Variants in KCNN2 observed in about 807,000 individuals in gnomAD.
KCNN2 encodes small conductance calcium-activated potassium channel protein 2.
Under a neutral mutation model 55.5 loss-of-function variants are expected in KCNN2, and 24 were observed. The observed-to-expected ratio is 0.43, with a 90% CI of 0.31 to 0.61. The LOEUF (loss-of-function observed/expected upper bound fraction) is 0.61, where lower values mean the gene tolerates loss of function less well. Among genes scored for constraint, KCNN2 ranks in the 20% least tolerant of loss-of-function variants. KCNN2 has a pLI of 0.08. For synonymous variants in KCNN2, 431 were observed against 336.1 expected (o/e 1.28, Z -3.09); for missense variants, 754 against 853.6 (o/e 0.88, Z 1.45).
At chr5:114,484,082 GAGA>G (rs775310782) in intron 5 of KCNN2, among the ~76,000 whole-genome samples, 3 of 152,146 alleles carry the variant, frequency 2.0e-5, no homozygotes, top group Non-Finnish European at 1.5e-5. Context: ...TGTGGTTCAT[GAGA>G]AGAAGTTTTT....
chr5:114,494,737 C>T (rs767916044), intron 7 of KCNN2, among the ~76,000 whole-genome samples: 1 of 152,028 alleles, frequency 6.6e-6, no homozygotes, highest in Non-Finnish European at 1.5e-5. Context: ...CATAAAGGCT[C>T]AGTATTTTCT....
At chr5:114,206,353 C>T (rs1352224079) in intron 1 of KCNN2, among the ~76,000 whole-genome samples, 1 of 152,130 alleles carries the variant, frequency 6.6e-6, no homozygotes, top group African/African-American at 2.4e-5. Flanking sequence ...CAGAGTGTTT[C>T]CATTTGCTAG....
intron 2 of KCNN2, among the ~76,000 whole-genome samples, chr5:114,221,727 C>G (rs1282110909): frequency 2.0e-5 from 3 of 152,020 alleles, no homozygotes; most frequent in Non-Finnish European, 4.4e-5. Flanking sequence ...TATGTATTAC[C>G]TGCCTATTTC....
At chr5:114,152,517 T>C (rs188348460) in intron 1 of KCNN2, among the ~76,000 whole-genome samples, 4 of 152,352 alleles carry the variant, frequency 2.6e-5, no homozygotes, top group African/African-American at 9.6e-5. Flanking sequence ...AAGGGTGTTT[T>C]ATTTGACTGT....
intron 2 of KCNN2, among the ~76,000 whole-genome samples, chr5:114,339,601 G>A (rs1431421807): frequency 1.3e-5 from 2 of 151,892 alleles, no homozygotes; most frequent in Non-Finnish European, 2.9e-5. Flanking sequence ...TCACAAGTTC[G>A]AGACCACCTT....
intron 2 of KCNN2, among the ~76,000 whole-genome samples, chr5:114,273,037 C>T (rs993136942): frequency 1.4e-4 from 22 of 152,060 alleles, no homozygotes; most frequent in African/African-American, 4.8e-4. Context: ...AGCCCAACAC[C>T]CCCCACAGGC....
At chr5:114,172,066 G>A (rs1753044339) in intron 1 of KCNN2, among the ~76,000 whole-genome samples, 1 of 151,874 alleles carries the variant, frequency 6.6e-6, no homozygotes, top group Non-Finnish European at 1.5e-5. Context: ...TTGACCAAGG[G>A]AAGGGAAGTT....
chr5:114,136,729 G>A (rs1421799871), intron 1 of KCNN2, among the ~76,000 whole-genome samples: 1 of 152,196 alleles, frequency 6.6e-6, no homozygotes, highest in Non-Finnish European at 1.5e-5. Context: ...TCTTTCTAGT[G>A]TGGCTTAACC....
chr5:114,470,694 C>CCTTTA (rs1302610617), intron 4 of KCNN2, among the ~76,000 whole-genome samples: 1 of 152,178 alleles, frequency 6.6e-6, no homozygotes, highest in Non-Finnish European at 1.5e-5. Context: ...ACACCCTCTG[C>CCTTTA]CTTTACTTTC....
chr5:114,341,592 T>TA (rs918854705), intron 2 of KCNN2, among the ~76,000 whole-genome samples: 44 of 149,944 alleles, frequency 2.9e-4, no homozygotes, highest in Non-Finnish European at 4.8e-4. Flanking sequence ...TCCCTCAAAA[T>TA]AAAAAAAAAG....
In KCNN2 at chr5:114,435,097, C is replaced by T. The variant is rs368783169; in HGVS notation, c.1638-27952C>T. Among the ~76,000 whole-genome samples the T allele has an allele frequency of 5.9e-5, 9 of 152,264 alleles. No individual in the cohort carries two copies. In the East Asian group the frequency reaches 1.2e-3, roughly 20 times the overall value. ...ACTTAGAAAAATGTGATGCCACTCT[C>T]TACCCGTCACTCCCCACCCCTCACC... On this transcript the variant is annotated intron_variant, in intron 3 of 7. Transcript: ENST00000673685.
chr5:114,149,947 A>C (rs1052136564), intron 1 of KCNN2, among the ~76,000 whole-genome samples: 1 of 152,158 alleles, frequency 6.6e-6, no homozygotes, highest in African/African-American at 2.4e-5. Flanking sequence ...GGTGCCCCTC[A>C]TGCGTCCGTT....
intron 3 of KCNN2, among the ~76,000 whole-genome samples, chr5:114,417,694 C>A (rs1189908656): frequency 6.6e-6 from 1 of 152,076 alleles, no homozygotes; most frequent in Non-Finnish European, 1.5e-5. Flanking sequence ...CTGTTGTAGT[C>A]AGTAATCAGT....
intron 3 of KCNN2, among the ~76,000 whole-genome samples, chr5:114,433,327 C>T (rs1322020266): frequency 1.3e-5 from 2 of 152,148 alleles, no homozygotes; most frequent in Non-Finnish European, 2.9e-5. Context: ...CCTTGGAGAA[C>T]CTTTGTGTGG....
chr5:114,132,202 G>A (rs182096895), intron 1 of KCNN2, among the ~76,000 whole-genome samples: 6 of 152,222 alleles, frequency 3.9e-5, no homozygotes, highest in Admixed American at 3.9e-4. Context: ...TGAAATCTTT[G>A]ATCATGCCTA....
chr5:114,369,735 T>G (rs1757708892), intron 2 of KCNN2, among the ~76,000 whole-genome samples: 1 of 152,170 alleles, frequency 6.6e-6, no homozygotes, highest in South Asian at 2.1e-4. Flanking sequence ...TGTGTAAAGA[T>G]CTCTGCATTA....
At chr5:114,094,023 A>G (rs1283068693) in intron 1 of KCNN2, among the ~76,000 whole-genome samples, 1 of 152,230 alleles carries the variant, frequency 6.6e-6, no homozygotes, top group East Asian at 1.9e-4. Flanking sequence ...TTCTCATTTC[A>G]GCTAAACATT....
At chr5:114,290,441 C>T (rs912866675) in intron 2 of KCNN2, among the ~76,000 whole-genome samples, 31 of 151,662 alleles carry the variant, frequency 2.0e-4, no homozygotes, top group African/African-American at 7.0e-4. Context: ...TAGTTATGTC[C>T]CCAGCTTTCA....
At chr5:114,401,625 C>A (rs1048387967) in intron 2 of KCNN2, among the ~76,000 whole-genome samples, 5 of 152,098 alleles carry the variant, frequency 3.3e-5, no homozygotes, top group Non-Finnish European at 5.9e-5. Flanking sequence ...CATGGTGGAA[C>A]AAAGGAGGGA....
Sources: allele counts gnomAD v4.1 joint callset (sites outside exome capture counted in the v4.1 genomes callset), GRCh38; gene constraint gnomAD v4.1.1; transcripts MANE v1.5; gene names NCBI Gene and HGNC (gene_info 2026-07-23, HGNC 2026-07-21).